Variants in MAP3K5 observed in about 807,000 individuals in gnomAD.
MAP3K5 encodes the protein mitogen-activated protein kinase kinase kinase 5, also known as ASK-1.
A neutral mutation model predicts 158.7 loss-of-function variants in MAP3K5; 56 were observed. That is an observed-to-expected ratio of 0.35 (90% confidence interval 0.28 to 0.44). MAP3K5 has a LOEUF of 0.44. MAP3K5 is among the 20% of genes least tolerant of loss of function. MAP3K5 has a pLI of 1.00. For missense variants in MAP3K5, 1,294 were observed against 1,674.8 expected (o/e 0.77, Z 3.97); for synonymous variants, 579 against 601.7 (o/e 0.96, Z 0.55).
At chr6:136,561,776 T>C (rs1830525387) in intron 27 of MAP3K5, 131 bp from the exon 28 acceptor site, 10 of 581,058 alleles carry the variant, frequency 1.7e-5, no homozygotes, top group Non-Finnish European at 2.5e-5. Context: ...ATAGAAACAA[T>C]TGAGATTGGC....
chr6:136,784,228 C>T (rs1784743835), intron 1 of MAP3K5, among the ~76,000 whole-genome samples: 1 of 152,172 alleles, frequency 6.6e-6, no homozygotes, highest in African/African-American at 2.4e-5. Context: ...ATCCTGGCAG[C>T]CCAGGAAGCA....
chr6:136,611,390 A>G lies in MAP3K5; in HGVS notation c.2416-3T>C, dbSNP rs751638010. 1.2e-5 allele frequency: 18 copies of G among 1,530,012 alleles called. No individual in the cohort carries two copies. Among genetic ancestry groups the G allele is most frequent in the Non-Finnish European group, 1.5e-5 (17 of 1,104,232 alleles). The allele number at this position is 1,530,012 out of a possible 1,614,324, so 94.8% of individuals were successfully genotyped here. A position where few individuals can be genotyped will look rare whatever the true frequency, so the allele number is the denominator to read the frequency against. On this transcript the variant is annotated splice_region_variant and splice_polypyrimidine_tract_variant and intron_variant, in intron 17 of 29. Coordinates refer to ENST00000359015, the MANE Select transcript of MAP3K5 (RefSeq NM_005923.4). The stretch of plus-strand genomic sequence containing the variant: ...GTATTAATCAACACATTGTCACCCT[A>G]GAGAACAGAGGACTTTAATCACAAT...
chr6:136,791,567 A>C (rs2115082812), intron 1 of MAP3K5, 143 bp downstream of exon 1: 1 of 834,754 alleles, frequency 1.2e-6, no homozygotes, highest in African/African-American at 1.7e-5. Context: ...GAGCGACAGG[A>C]GCAGTCACGC....
At chr6:136,582,422 T>G (rs565832673) in intron 24 of MAP3K5, among the ~76,000 whole-genome samples, 2 of 152,326 alleles carry the variant, frequency 1.3e-5, no homozygotes, top group South Asian at 4.2e-4. Flanking sequence ...CAAGTGCAAA[T>G]TAGCTAAATT....
At chr6:136,757,579 A>ATTTTTTTTTTTT (rs776508913) in intron 1 of MAP3K5, among the ~76,000 whole-genome samples, 9 of 111,962 alleles carry the variant, frequency 8.0e-5, no homozygotes, top group African/African-American at 1.3e-4. Flanking sequence ...TTATTTATTT[A>ATTTTTTTTTTTT]TTTTTTATTT....
chr6:136,623,347 T>A (rs566476036), intron 14 of MAP3K5, among the ~76,000 whole-genome samples: 1 of 152,318 alleles, frequency 6.6e-6, no homozygotes, highest in East Asian at 1.9e-4. Flanking sequence ...ATCTAATAAA[T>A]CTTCCTTTTG....
chr6:136,652,096 A>G (rs867972182), intron 10 of MAP3K5, among the ~76,000 whole-genome samples: 1 of 152,156 alleles, frequency 6.6e-6, no homozygotes, highest in African/African-American at 2.4e-5. Flanking sequence ...ATAAAAGTGG[A>G]GGAAAACTCC....
chr6:136,563,099 C>A (rs1445990793), intron 26 of MAP3K5, among the ~76,000 whole-genome samples: 5 of 152,088 alleles, frequency 3.3e-5, no homozygotes, highest in African/African-American at 4.8e-5. Flanking sequence ...TTATAATGAG[C>A]TCCCAGATGA....
At chr6:136,663,702 C>T (rs1389196222) in intron 8 of MAP3K5, among the ~76,000 whole-genome samples, 1 of 151,604 alleles carries the variant, frequency 6.6e-6, no homozygotes, top group East Asian at 1.9e-4. Context: ...CTCCACCTCC[C>T]AGGTTCAAGC....
chr6:136,728,475 A>G (rs1782070622), intron 1 of MAP3K5, among the ~76,000 whole-genome samples: 1 of 152,208 alleles, frequency 6.6e-6, no homozygotes, highest in Admixed American at 6.5e-5. Context: ...AGAAGGACAT[A>G]AGAATCATCT....
chr6:136,580,612 T>C (rs951183574), intron 24 of MAP3K5, among the ~76,000 whole-genome samples: 1 of 152,140 alleles, frequency 6.6e-6, no homozygotes, highest in African/African-American at 2.4e-5. Context: ...AGCAAATAAG[T>C]TATTTAAGTG....
At chr6:136,772,145 A>C (rs1221518417) in intron 1 of MAP3K5, among the ~76,000 whole-genome samples, 1 of 148,738 alleles carries the variant, frequency 6.7e-6, no homozygotes, top group Non-Finnish European at 1.5e-5. Context: ...TCGAACTCCC[A>C]ACCTCAGGTG....
intron 15 of MAP3K5, among the ~76,000 whole-genome samples, chr6:136,621,447 T>C (rs570184811): frequency 3.9e-5 from 6 of 152,330 alleles, no homozygotes; most frequent in Admixed American, 6.5e-5. Flanking sequence ...GCTTAAACTG[T>C]GTTTTTTGTC....
At chr6:136,574,770 G>A (rs1388048672) in intron 25 of MAP3K5, among the ~76,000 whole-genome samples, 2 of 146,460 alleles carry the variant, frequency 1.4e-5, no homozygotes, top group Non-Finnish European at 3.0e-5. Context: ...CTCACTGCAG[G>A]CTCCACCCCC....
intron 6 of MAP3K5, among the ~76,000 whole-genome samples, chr6:136,694,649 T>C (rs1043876323): frequency 1.3e-5 from 2 of 152,198 alleles, no homozygotes; most frequent in South Asian, 4.1e-4. Flanking sequence ...GTCTGTGTCT[T>C]TGAATAGGGT....
chr6:136,659,294 G>T lies in MAP3K5; in HGVS notation c.1451C>A (p.Ala484Asp), dbSNP rs781394441. Residue 484 changes from alanine (A) to aspartate (D), a missense_variant, in exon 9 of 30, where the codon GCC becomes GAC. Around this residue, in one of 5 missense-constraint regions of MAP3K5, gnomAD observed 690 missense variants for 870.5 expected, o/e 0.79. Coordinates refer to ENST00000359015, the MANE Select transcript of MAP3K5 (RefSeq NM_005923.4). ...CATGTGGTCATTGGCTAGGACGCTG[G>T]CCCCCAGAAAAAATCCAACTTCCCA... ...SYWEVGFFLG[A>D]SVLANDHMRV... is the part of the protein sequence containing the mutation. The T allele has an allele frequency of 6.2e-7, 1 of 1,613,900 alleles. No homozygotes were observed. The highest frequency in any genetic ancestry group is 1.3e-5 in the African/African-American group (1 of 74,870).
intron 1 of MAP3K5, among the ~76,000 whole-genome samples, chr6:136,751,536 T>C (rs1783208790): frequency 6.6e-6 from 1 of 152,260 alleles, no homozygotes; most frequent in Admixed American, 6.5e-5. Flanking sequence ...TGCAGAAATC[T>C]GCTGGCAGTT....
At chr6:136,597,860 T>G (rs1019150915) in intron 21 of MAP3K5, among the ~76,000 whole-genome samples, 1 of 152,214 alleles carries the variant, frequency 6.6e-6, no homozygotes, top group South Asian at 2.1e-4. Flanking sequence ...TACCCACATA[T>G]GGTTATTAAC....
chr6:136,730,173 T>G (rs867054988), intron 1 of MAP3K5, among the ~76,000 whole-genome samples: 3 of 134,834 alleles, frequency 2.2e-5, no homozygotes, highest in African/African-American at 5.7e-5. Context: ...TTTTGTTTTT[T>G]GTTTTTGTAG....
Sources: gnomAD v4.1 joint callset for allele counts (sites outside exome capture counted in the v4.1 genomes callset) on GRCh38, gnomAD v4.1.1 for gene constraint, gnomAD v4.1.1 regional missense constraint, MANE v1.5 for transcripts, NCBI Gene and HGNC (gene_info 2026-07-23, HGNC 2026-07-21) for gene names.